The following PALM2AKAP2 variants were observed in gnomAD, a reference collection of about 807,000 sequenced individuals.
The protein encoded by PALM2AKAP2 is PALM2 and AKAP2 fusion, also known as PALM2-AKAP2 fusion protein.
In PALM2AKAP2, 37 loss-of-function variants were observed where a neutral mutation model predicts 71.5. The ratio of observed to expected loss-of-function variants is 0.52; its 90% CI spans 0.40 to 0.68. The LOEUF is 0.68. Ranked by LOEUF, PALM2AKAP2 falls within the 30% of genes least tolerant of loss-of-function variation. The pLI, the probability that PALM2AKAP2 is intolerant of heterozygous loss-of-function variation, is 0.00. For synonymous variants in PALM2AKAP2, 468 were observed against 478.8 expected (o/e 0.98, Z 0.29); for missense variants, 1,224 against 1,191.8 (o/e 1.03, Z -0.40).
chr9:109,789,217 G>C (rs116381440), intron 1 of PALM2AKAP2, among the ~76,000 whole-genome samples: 4,813 of 152,222 alleles, frequency 0.032, 95 homozygotes, highest in Non-Finnish European at 0.036. Context: ...CACCATGACA[G>C]CCCCATTGAG....
chr9:109,725,719 A>G (rs1218862819), intron 1 of PALM2AKAP2, among the ~76,000 whole-genome samples: 1 of 152,250 alleles, frequency 6.6e-6, no homozygotes, highest in East Asian at 1.9e-4. Flanking sequence ...TAAAGAGTAC[A>G]TAAAAAAGCA....
At chr9:109,898,262 G>T (rs1410963357) in intron 3 of PALM2AKAP2, among the ~76,000 whole-genome samples, 2 of 152,206 alleles carry the variant, frequency 1.3e-5, no homozygotes, top group Non-Finnish European at 2.9e-5. Context: ...GCAACATCAA[G>T]GTCAAGCTCC....
At chr9:110,007,120 A>G (rs913251579) in intron 6 of PALM2AKAP2, among the ~76,000 whole-genome samples, 2 of 152,194 alleles carry the variant, frequency 1.3e-5, no homozygotes, top group Admixed American at 1.3e-4. Context: ...CTGTCTCTGA[A>G]CATTTTAATG....
At chr9:110,013,229 C>T (rs1832916870) in intron 6 of PALM2AKAP2, among the ~76,000 whole-genome samples, 2 of 152,212 alleles carry the variant, frequency 1.3e-5, no homozygotes, top group Non-Finnish European at 2.9e-5. Context: ...CCTTTGCTTG[C>T]ATTATGCCCT....
At chr9:109,774,226 C>G (rs927347953) in intron 1 of PALM2AKAP2, among the ~76,000 whole-genome samples, 1 of 152,222 alleles carries the variant, frequency 6.6e-6, no homozygotes, top group African/African-American at 2.4e-5. Flanking sequence ...CCCCTAAGCT[C>G]TCTGAGAAAC....
intron 1 of PALM2AKAP2, among the ~76,000 whole-genome samples, chr9:109,708,797 C>T (rs755884419): frequency 3.9e-5 from 6 of 152,164 alleles, no homozygotes; most frequent in Non-Finnish European, 5.9e-5. Context: ...CCTGCTTTAG[C>T]GACACTGGAA....
intron 3 of PALM2AKAP2, among the ~76,000 whole-genome samples, chr9:109,910,458 A>T (rs1406999412): frequency 6.6e-6 from 1 of 152,254 alleles, no homozygotes; most frequent in Non-Finnish European, 1.5e-5. Flanking sequence ...GTAGCCAAGA[A>T]TTAAATGTTA....
At chr9:109,695,035 C>A (rs73529147) in intron 1 of PALM2AKAP2, among the ~76,000 whole-genome samples, 1,743 of 152,114 alleles carry the variant, frequency 0.011, 37 homozygotes, top group African/African-American at 0.039. Context: ...CAATAAATTC[C>A]AGCCAGATCA....
At chr9:109,748,491 A>C (rs1828836466) in intron 1 of PALM2AKAP2, among the ~76,000 whole-genome samples, 1 of 152,198 alleles carries the variant, frequency 6.6e-6, no homozygotes, top group Non-Finnish European at 1.5e-5. Flanking sequence ...TGGCGATCCC[A>C]GTTTACCTTT....
At chr9:109,965,182 T>A (rs920771602) in intron 6 of PALM2AKAP2, among the ~76,000 whole-genome samples, 2 of 152,214 alleles carry the variant, frequency 1.3e-5, no homozygotes, top group Non-Finnish European at 2.9e-5. Flanking sequence ...TCCTATGAAG[T>A]GGGACTAATA....
intron 1 of PALM2AKAP2, among the ~76,000 whole-genome samples, chr9:110,050,879 C>T (rs1034566789): frequency 6.6e-6 from 1 of 152,188 alleles, no homozygotes. Context: ...TCACCTGCCT[C>T]GGCCTCCCAA....
chr9:109,749,674 C>A (rs1415010932), intron 1 of PALM2AKAP2, among the ~76,000 whole-genome samples: 1 of 151,974 alleles, frequency 6.6e-6, no homozygotes, highest in Non-Finnish European at 1.5e-5. Flanking sequence ...AAATTCAGGA[C>A]CATTTTGCTG....
intron 7 of PALM2AKAP2, among the ~76,000 whole-genome samples, chr9:110,030,566 T>C (rs1833262036): frequency 6.6e-6 from 1 of 152,150 alleles, no homozygotes; most frequent in Non-Finnish European, 1.5e-5. Flanking sequence ...TTTGGGGATA[T>C]AGGTTTCTGA....
chr9:109,719,044 T>C (rs1828368552), intron 1 of PALM2AKAP2, among the ~76,000 whole-genome samples: 2 of 152,210 alleles, frequency 1.3e-5, no homozygotes. Flanking sequence ...AGTCACTTCA[T>C]ATTCAAGGCC....
At chr9:109,691,009 T>G (rs1255754463) in intron 1 of PALM2AKAP2, among the ~76,000 whole-genome samples, 1 of 152,106 alleles carries the variant, frequency 6.6e-6, no homozygotes, top group East Asian at 1.9e-4. Flanking sequence ...CTGGAAAATC[T>G]TGAAAGAAAC....
intron 6 of PALM2AKAP2, among the ~76,000 whole-genome samples, chr9:109,957,300 A>C (rs1236579945): frequency 1.3e-5 from 2 of 152,184 alleles, no homozygotes; most frequent in African/African-American, 4.8e-5. Context: ...GGAATGCAAT[A>C]TACAAGCACA....
chr9:109,744,971 C>T (rs1189830097), intron 1 of PALM2AKAP2, among the ~76,000 whole-genome samples: 1 of 152,196 alleles, frequency 6.6e-6, no homozygotes, highest in Non-Finnish European at 1.5e-5. Flanking sequence ...CATGCATGCC[C>T]TCAGTCCCAA....
chr9:109,852,786 G>T (rs1031064772), intron 1 of PALM2AKAP2, among the ~76,000 whole-genome samples: 1 of 152,118 alleles, frequency 6.6e-6, no homozygotes, highest in African/African-American at 2.4e-5. Context: ...GATGAATAGT[G>T]GTGTAGAGCA....
intron 1 of PALM2AKAP2, among the ~76,000 whole-genome samples, chr9:110,060,093 ATTTTGT>A (rs74631739): frequency 0.25 from 36,839 of 150,342 alleles, 5,656 homozygotes; most frequent in East Asian, 0.39. Flanking sequence ...GGGGCCAGGT[ATTTTGT>A]TTTTGTTTTT....
Sources: gnomAD v4.1 joint callset for allele counts (sites outside exome capture counted in the v4.1 genomes callset) on GRCh38, gnomAD v4.1.1 for gene constraint, MANE v1.5 for transcripts, NCBI Gene and HGNC (gene_info 2026-07-23, HGNC 2026-07-21) for gene names.